The following ZBTB16 variants were observed in gnomAD, a reference collection of about 807,000 sequenced individuals.
ZBTB16 encodes the protein zinc finger and BTB domain-containing protein 16.
Under a neutral mutation model 56.8 loss-of-function variants are expected in ZBTB16, and 8 were observed. The observed-to-expected ratio is 0.14, with a 90% CI of 0.08 to 0.25. ZBTB16 has a LOEUF of 0.25. ZBTB16 is among the 10% of genes least tolerant of loss of function. ZBTB16 has a pLI of 1.00. For synonymous variants in ZBTB16, 363 were observed against 368.5 expected (o/e 0.98, Z 0.17); for missense variants, 625 against 903.0 (o/e 0.69, Z 3.95).
intron 4 of ZBTB16, among the ~76,000 whole-genome samples, chr11:114,221,293 A>G (rs963602893): frequency 3.9e-5 from 6 of 151,964 alleles, no homozygotes; most frequent in African/African-American, 1.5e-4. Context: ...TCTGAGGCAG[A>G]CTCTCTGTAC....
chr11:114,255,789 G>C lies in ZBTB16; in HGVS notation c.*5234G>C, dbSNP rs1944996068. 6.6e-6 allele frequency among the ~76,000 whole-genome samples: 1 copy of C among 150,446 alleles called. No homozygotes were observed. The highest frequency in any genetic ancestry group is 2.1e-4 in the South Asian group (1 of 4,786). On this transcript the variant is annotated 3_prime_UTR_variant, in exon 7 of 7. Coordinates refer to ENST00000335953, the MANE Select transcript of ZBTB16 (RefSeq NM_006006.6). ...TGCAGGTTTTTTTCTCTCTCCATGT[G>C]TCACTAAGTGAAGTTTGTGCCTTCT...
chr11:114,156,330 C>T lies in ZBTB16; in HGVS notation c.1269-7C>T. ...AGCAGCAACCTCTCTTTTCCTTTCCCTTACAGGAAGCTGCACAGTGGGATG... is the reference window on the plus strand; with the variant it reads ...AGCAGCAACCTCTCTTTTCCTTTCCTTTACAGGAAGCTGCACAGTGGGATG... On this transcript the variant is annotated splice_region_variant and splice_polypyrimidine_tract_variant and intron_variant, in intron 2 of 6. Coordinates refer to ENST00000335953, the MANE Select transcript of ZBTB16 (RefSeq NM_006006.6). 1 of 1,614,180 alleles carries T rather than the reference C, an allele frequency of 6.2e-7. No individual in the cohort carries two copies. Among genetic ancestry groups the T allele is most frequent in the Non-Finnish European group, 8.5e-7 (1 of 1,179,990 alleles).
chr11:114,068,216 C>T (rs1235859396), intron 2 of ZBTB16, among the ~76,000 whole-genome samples: 2 of 152,026 alleles, frequency 1.3e-5, no homozygotes, highest in African/African-American at 4.8e-5. Context: ...AGATACCCAG[C>T]AGTCCTTCTT....
At chr11:114,193,937 C>T (rs763282023) in intron 4 of ZBTB16, among the ~76,000 whole-genome samples, 13 of 152,234 alleles carry the variant, frequency 8.5e-5, no homozygotes, top group Non-Finnish European at 1.6e-4. Context: ...AGAACTGGAA[C>T]TTGACCCAAC....
chr11:114,192,298 C>T (rs772358623), intron 4 of ZBTB16, among the ~76,000 whole-genome samples: 9 of 152,274 alleles, frequency 5.9e-5, no homozygotes, highest in East Asian at 3.9e-4. Context: ...GCTGGAAGTA[C>T]ACAGCATTAC....
rs116463240 is a variant in ZBTB16, at chr11:114,208,162, C to T, written c.1453+21124C>T. 4.9e-3 allele frequency among the ~76,000 whole-genome samples: 749 copies of T among 152,320 alleles called. 10 individuals are homozygous for T. Among genetic ancestry groups the T allele is most frequent in the African/African-American group, 0.016 (665 of 41,572 alleles). Reference sequence around the variant, plus strand: ...GCACCATAGATGTACACCACTTGCCCTTAGCTATCTTGCCACTGCACGAGT... The same window carrying T: ...GCACCATAGATGTACACCACTTGCCTTTAGCTATCTTGCCACTGCACGAGT... On this transcript the variant is annotated intron_variant, in intron 4 of 6. Transcript: ENST00000335953.
Position 114,250,361 on chromosome 11 carries a change from C to T in ZBTB16, c.1828C>T (p.Arg610Cys). ...CTTTGAGTGTAAGCTCTGCCACCAG[C>T]GCTCCCGGGACTACTCGGCCATGAT... ...KPFECKLCHQ[R>C]SRDYSAMIKH... Residue 610 changes from arginine (R) to cysteine (C), a missense_variant, in exon 7 of 7, where the codon CGC (arginine) becomes TGC (cysteine). Transcript: ENST00000335953. This position sits in a 1 kb window ranked among gnomAD's most constrained non-coding sequence, Gnocchi z 6.0. 1.2e-6 allele frequency: 2 copies of T among 1,613,656 alleles called. No individual in the cohort carries two copies. Among genetic ancestry groups the T allele is most frequent in the Non-Finnish European group, 1.7e-6 (2 of 1,180,034 alleles).
chr11:114,077,214 T>C (rs943300963), intron 2 of ZBTB16, among the ~76,000 whole-genome samples: 3 of 152,174 alleles, frequency 2.0e-5, no homozygotes, highest in Non-Finnish European at 4.4e-5. Context: ...TGCTCCCATT[T>C]TCCCCCTCCC....
At chr11:114,148,179 C>G (rs67288317) in intron 2 of ZBTB16, among the ~76,000 whole-genome samples, 13,726 of 152,080 alleles carry the variant, frequency 0.09, 689 homozygotes, top group Admixed American at 0.13. Context: ...GCAGCCTTAT[C>G]TGCAAGTGCT....
At chr11:114,219,408 G>A (rs1184936477) in intron 4 of ZBTB16, among the ~76,000 whole-genome samples, 1 of 152,184 alleles carries the variant, frequency 6.6e-6, no homozygotes, top group Non-Finnish European at 1.5e-5. Context: ...TGCTGGATTA[G>A]GGGTCTGAGT....
rs527973049 is a variant in ZBTB16 at position 114,203,473 on chromosome 11, A to G, written c.1453+16435A>G. Among the ~76,000 whole-genome samples, 526 of 152,170 alleles carry G rather than the reference A, an allele frequency of 3.5e-3. 3 individuals are homozygous for G. The highest frequency in any genetic ancestry group is 6.1e-3 in the Non-Finnish European group (415 of 68,000). The stretch of plus-strand genomic sequence containing the variant: ...GAGGTTGAGGCAGAAGGATCACTTG[A>G]GCCCAGGAGCTTGAGGCTGCAGTGA... On this transcript the variant is annotated intron_variant, in intron 4 of 6. Coordinates refer to ENST00000335953, the MANE Select transcript of ZBTB16 (RefSeq NM_006006.6).
In ZBTB16 at chr11:114,096,491, C is replaced by G. The variant is rs111261802; in HGVS notation, c.1268+31923C>G. 1.6e-3 allele frequency among the ~76,000 whole-genome samples: 243 copies of G among 152,278 alleles called. 1 individual carries two copies. Among genetic ancestry groups the G allele is most frequent in the African/African-American group, 4.8e-3 (200 of 41,556 alleles). On this transcript the variant is annotated intron_variant, in intron 2 of 6. Coordinates refer to ENST00000335953, the MANE Select transcript of ZBTB16 (RefSeq NM_006006.6). ...ATGTCAGCATGCTGGTTTTCATGTG[C>G]TGCCTCGTACAGTAAGTCCCCAGCA...
chr11:114,062,127 G>T (rs1938900124), intron 1 of ZBTB16, among the ~76,000 whole-genome samples: 1 of 151,026 alleles, frequency 6.6e-6, no homozygotes. Flanking sequence ...TTCTGAGACG[G>T]AGTTTTGCTC....
intron 4 of ZBTB16, among the ~76,000 whole-genome samples, chr11:114,235,408 C>T (rs1386884863): frequency 6.6e-6 from 1 of 152,224 alleles, no homozygotes; most frequent in African/African-American, 2.4e-5. Context: ...ACATCTTCTC[C>T]AGCTGTGTAC....
chr11:114,246,640 A>G (rs1944822779), intron 5 of ZBTB16: 1 of 157,032 alleles, frequency 6.4e-6, no homozygotes, highest in Admixed American at 6.1e-5. Context: ...ACGCGGGGGT[A>G]TCATATGAGC....
Position 114,066,768 on chromosome 11 carries a change from A to ATTTTT in ZBTB16, c.1268+2217_1268+2221dup, listed in dbSNP as rs11371325. Among the ~76,000 whole-genome samples the ATTTTT allele has an allele frequency of 2.2e-4, 24 of 111,420 alleles. 1 individual carries two copies. Among genetic ancestry groups the ATTTTT allele is most frequent in the Middle Eastern group, 5.3e-3 (1 of 188 alleles). 73.1% of individuals were successfully genotyped at this position (111,420 alleles called of 152,430 possible). On this transcript the variant is annotated intron_variant, in intron 2 of 6. Transcript: ENST00000335953. ...TTCTGGGCCTTGTTTCACTCACTAC[A>ATTTTT]TTTTTTTTTTTTTTTTTTTTTGAGA...
chr11:114,125,787 G>C (rs80227365), intron 2 of ZBTB16, among the ~76,000 whole-genome samples: 1 of 151,964 alleles, frequency 6.6e-6, no homozygotes, highest in South Asian at 2.1e-4. Context: ...GACCTTTTTC[G>C]TTTCAGACAG....
chr11:114,159,937 C>CGGGGGGGGGGGGGGG (rs140105293), intron 3 of ZBTB16, among the ~76,000 whole-genome samples: 1 of 93,840 alleles, frequency 1.1e-5, no homozygotes, highest in African/African-American at 6.6e-5. Flanking sequence ...GCGGGGGAGG[C>CGGGGGGGGGGGGGGG]GGGGGGGAGG....
rs150595831 is a variant in ZBTB16, at chr11:114,194,524, G to T, written c.1453+7486G>T. On this transcript the variant is annotated intron_variant, in intron 4 of 6. Coordinates refer to ENST00000335953, the MANE Select transcript of ZBTB16 (RefSeq NM_006006.6). ...AGTTTTCTGTTTTGGTACAACGAAG[G>T]CTTTGAGGAGATAAACAGAGATCAT... is the stretch of plus-strand genomic sequence containing the variant. Among the ~76,000 whole-genome samples, 218 of 152,246 alleles carry T rather than the reference G, an allele frequency of 1.4e-3. 5 individuals carry two copies. Among genetic ancestry groups the T allele is most frequent in the East Asian group, 8.5e-3 (44 of 5,176 alleles).
Sources: allele counts gnomAD v4.1 joint callset (sites outside exome capture counted in the v4.1 genomes callset), GRCh38; gene constraint gnomAD v4.1.1; non-coding constraint Gnocchi (gnomAD v3.1); transcripts MANE v1.5; gene names NCBI Gene and HGNC (gene_info 2026-07-23, HGNC 2026-07-21).